The following STEAP2 variants were observed in gnomAD, a reference collection of about 807,000 sequenced individuals.
STEAP2 encodes metalloreductase STEAP2.
A neutral mutation model predicts 46.4 loss-of-function variants in STEAP2; 30 were observed. The ratio of observed to expected loss-of-function variants is 0.65; its 90% CI spans 0.48 to 0.88. The LOEUF is 0.88. STEAP2 is among the 40% of genes least tolerant of loss of function. STEAP2 has a pLI of 0.00. For missense variants in STEAP2, 513 were observed against 579.3 expected (o/e 0.89, Z 1.18); for synonymous variants, 180 against 200.5 (o/e 0.90, Z 0.86).
chr7:90,216,413 G>T (rs1013695379), intron 1 of STEAP2, 78 bp from the exon 2 acceptor site: 3 of 152,152 alleles, frequency 2.0e-5, no homozygotes, highest in African/African-American at 4.8e-5. Flanking sequence ...TCCGAATTTT[G>T]AATATTATGA....
intron 2 of STEAP2, 51 bp downstream of exon 2, chr7:90,216,654 C>G (rs762597096): frequency 1.3e-5 from 2 of 152,080 alleles, no homozygotes; most frequent in Admixed American, 6.6e-5. Context: ...CAAACAACAA[C>G]GTAAAAATTA....
chr7:90,233,154 G>A lies in STEAP2; in HGVS notation c.*530G>A, dbSNP rs1376176641. On this transcript the variant is annotated 3_prime_UTR_variant, in exon 6 of 6. Transcript: ENST00000394621. ...TTTCTCTCATAAAATAGGATTTGAAGGATGAAATTAATTGTATGAAGCAAT... is the reference window on the plus strand; with the variant it reads ...TTTCTCTCATAAAATAGGATTTGAAAGATGAAATTAATTGTATGAAGCAAT... The A allele has an allele frequency of 4.1e-6, 4 of 983,944 alleles. No homozygotes were observed. The highest frequency in any genetic ancestry group is 4.8e-6 in the Non-Finnish European group (4 of 828,984). The allele number at this position is 983,944 out of a possible 1,614,324, so 61.0% of individuals were successfully genotyped here.
Position 90,227,084 on chromosome 7 carries a change from A to G in STEAP2, c.606A>G (p.Glu202=), listed in dbSNP as rs772693660. The change falls in exon 4 of 6, where the codon GAA becomes GAG. Residue 202 remains glutamate, a synonymous_variant. Transcript: ENST00000394621. ...CCTTATCATCAGCCAGAGAGATTGA[A>G]AATTTACCCCTACGACTCTTTACTC... ...LGSLSSAREI[E]NLPLRLFTLW... 25 of 1,613,684 alleles carry G rather than the reference A, an allele frequency of 1.5e-5. No homozygotes were observed. The highest frequency in any genetic ancestry group is 2.1e-5 in the Non-Finnish European group (25 of 1,179,842).
In STEAP2 at chr7:90,232,972, T is replaced by A. The variant is rs563226264; in HGVS notation, c.*348T>A. The stretch of plus-strand genomic sequence containing the variant: ...AACAATTTGCAAACCAGCAGAATTT[T>A]AAGCTTTTAAAATAATTCAATGGAT... On this transcript the variant is annotated 3_prime_UTR_variant, in exon 6 of 6. Coordinates refer to ENST00000394621, the MANE Select transcript of STEAP2 (RefSeq NM_001244944.2). 4.0e-4 allele frequency: 389 copies of A among 969,306 alleles called. 3 individuals are homozygous for A. The African/African-American group carries it at 6.6e-3, about 16-fold the overall frequency. 60.0% of individuals were successfully genotyped at this position (969,306 alleles called of 1,614,324 possible).
Position 90,233,362 on chromosome 7 carries a change from C to T in STEAP2, c.*738C>T. 1 of 984,800 alleles carries T rather than the reference C, an allele frequency of 1.0e-6. No individual in the cohort carries two copies. Among genetic ancestry groups the T allele is most frequent in the Non-Finnish European group, 1.2e-6 (1 of 829,428 alleles). 61.0% of individuals were successfully genotyped at this position (984,800 alleles called of 1,614,324 possible). On this transcript the variant is annotated 3_prime_UTR_variant, in exon 6 of 6. Transcript: ENST00000394621. ...ACTGATCAGGAAGAGGATTCAGTAACATTTGGCTTCCAAAACTGCTATCTC... is the reference window on the plus strand; with the variant it reads ...ACTGATCAGGAAGAGGATTCAGTAATATTTGGCTTCCAAAACTGCTATCTC...
chr7:90,229,019 T>C (rs1486594974), intron 4 of STEAP2, among the ~76,000 whole-genome samples: 1 of 152,170 alleles, frequency 6.6e-6, no homozygotes, highest in Non-Finnish European at 1.5e-5. Context: ...AGTTAAACTG[T>C]TGTTAAGTTA....
chr7:90,218,387 T>G (rs936072814), intron 2 of STEAP2, among the ~76,000 whole-genome samples: 2 of 152,148 alleles, frequency 1.3e-5, no homozygotes, highest in Non-Finnish European at 2.9e-5. Flanking sequence ...CTTCTTGAAA[T>G]GAGGGGTTTT....
intron 2 of STEAP2, among the ~76,000 whole-genome samples, chr7:90,220,912 A>G (rs1795232257): frequency 1.3e-5 from 2 of 151,960 alleles, no homozygotes; most frequent in Admixed American, 1.3e-4. Flanking sequence ...ATGTTGTTTA[A>G]TCATTTATTT....
intron 2 of STEAP2, among the ~76,000 whole-genome samples, chr7:90,221,096 C>G (rs1795240665): frequency 6.6e-6 from 1 of 152,114 alleles, no homozygotes; most frequent in African/African-American, 2.4e-5. Context: ...TATTCTGTAA[C>G]TGTTGTATAA....
At chr7:90,221,140 T>C (rs947268843) in intron 2 of STEAP2, among the ~76,000 whole-genome samples, 6 of 152,210 alleles carry the variant, frequency 3.9e-5, no homozygotes, top group Non-Finnish European at 8.8e-5. Context: ...GTCCATTTGG[T>C]CTAACGTATA....
chr7:90,233,502 C>T lies in STEAP2; in HGVS notation c.*878C>T. On this transcript the variant is annotated 3_prime_UTR_variant, in exon 6 of 6. Transcript: ENST00000394621. ...TTTGTCGCACCTTAACCAGTCACCACTTGCTATGGTATAGGATTATACTGA... is the reference window on the plus strand; with the variant it reads ...TTTGTCGCACCTTAACCAGTCACCATTTGCTATGGTATAGGATTATACTGA... The T allele has an allele frequency of 9.1e-6, 9 of 985,416 alleles. No homozygotes were observed. The highest frequency in any genetic ancestry group is 1.1e-5 in the Non-Finnish European group (9 of 829,940). The allele number at this position is 985,416 out of a possible 1,614,324, so 61.0% of individuals were successfully genotyped here.
chr7:90,237,179 C>T lies in STEAP2; in HGVS notation c.*4555C>T. ...CCCAAAGAGTAAGGCAGATTAGAGACCAGAAAGACCTTGACTACTTCCCTA... is the reference window on the plus strand; with the variant it reads ...CCCAAAGAGTAAGGCAGATTAGAGATCAGAAAGACCTTGACTACTTCCCTA... On this transcript the variant is annotated 3_prime_UTR_variant, in exon 6 of 6. Coordinates refer to ENST00000394621, the MANE Select transcript of STEAP2 (RefSeq NM_001244944.2). 1 of 454,750 alleles carries T rather than the reference C, an allele frequency of 2.2e-6. No homozygotes were observed. Among genetic ancestry groups the T allele is most frequent in the Non-Finnish European group, 3.9e-6 (1 of 259,452 alleles). 28.2% of individuals were successfully genotyped at this position (454,750 alleles called of 1,614,324 possible).
chr7:90,226,329 G>A (rs1795489140), intron 3 of STEAP2, among the ~76,000 whole-genome samples: 1 of 151,832 alleles, frequency 6.6e-6, no homozygotes, highest in Admixed American at 6.6e-5. Context: ...TGAGTGTTTG[G>A]TTTATTTTTA....
intron 1 of STEAP2, chr7:90,215,236 C>T (rs1794970498): frequency 6.6e-6 from 1 of 152,212 alleles, no homozygotes; most frequent in Non-Finnish European, 1.5e-5. Context: ...CTCTCCAAAT[C>T]TGCAGGTTGT....
chr7:90,227,630 G>T lies in STEAP2; in HGVS notation c.1020+132G>T, dbSNP rs1443190905. ...GTATACTGCGGGAGGGGAAAGAATT[G>T]TTCTTTAAACAATGTTTTTGCAAAA... On this transcript the variant is annotated intron_variant, in intron 4 of 5. Transcript: ENST00000394621. 5 of 879,568 alleles carry T rather than the reference G, an allele frequency of 5.7e-6. No individual in the cohort carries two copies. In the East Asian group the frequency reaches 1.5e-4, roughly 26 times the overall value. The allele number at this position is 879,568 out of a possible 1,614,324, so 54.5% of individuals were successfully genotyped here. A position where few individuals can be genotyped will look rare whatever the true frequency, so the allele number is the denominator to read the frequency against.
At position 90,232,960 on chromosome 7, in the gene STEAP2, C is replaced by T; in HGVS notation, c.*336C>T. The T allele has an allele frequency of 1.0e-6, 1 of 974,452 alleles. No individual in the cohort carries two copies. Among genetic ancestry groups the T allele is most frequent in the Non-Finnish European group, 1.2e-6 (1 of 818,502 alleles). The allele number at this position is 974,452 out of a possible 1,614,324, so 60.4% of individuals were successfully genotyped here. On this transcript the variant is annotated 3_prime_UTR_variant, in exon 6 of 6. Coordinates refer to ENST00000394621, the MANE Select transcript of STEAP2 (RefSeq NM_001244944.2). ...TATAATGTTAAAAACAATTTGCAAA[C>T]CAGCAGAATTTTAAGCTTTTAAAAT...
intron 1 of STEAP2, among the ~76,000 whole-genome samples, chr7:90,214,496 A>C (rs987690678): frequency 7.9e-5 from 12 of 152,174 alleles, no homozygotes; most frequent in African/African-American, 2.7e-4. Flanking sequence ...TTGTTAATTT[A>C]AGGTGAAACT....
chr7:90,227,012 T>C lies in STEAP2; in HGVS notation c.534T>C (p.Val178=). 6.2e-7 allele frequency: 1 copy of C among 1,610,136 alleles called. No homozygotes were observed. The highest frequency in any genetic ancestry group is 8.5e-7 in the Non-Finnish European group (1 of 1,178,652). Residue 178 remains valine (V), a synonymous_variant, in exon 4 of 6, where the codon GTT becomes GTC. Transcript: ENST00000394621. The part of the protein sequence containing the change: ...CSNNIQARQQ[V]IELARQLNFI... Reference sequence around the variant, plus strand: ...ACAATATTCAAGCGCGACAACAGGTTATTGAACTTGCCCGCCAGTTGAATT... The same window carrying C: ...ACAATATTCAAGCGCGACAACAGGTCATTGAACTTGCCCGCCAGTTGAATT...
intron 2 of STEAP2, among the ~76,000 whole-genome samples, chr7:90,219,232 G>A (rs1375287885): frequency 1.3e-5 from 2 of 151,800 alleles, no homozygotes; most frequent in East Asian, 1.9e-4. Context: ...CAGCAAAGAG[G>A]GATAATTTGA....
Sources: gnomAD v4.1 joint callset for allele counts (sites outside exome capture counted in the v4.1 genomes callset) on GRCh38, gnomAD v4.1.1 for gene constraint, MANE v1.5 for transcripts, NCBI Gene and HGNC (gene_info 2026-07-23, HGNC 2026-07-21) for gene names.